The following GABRA3 variants were observed in gnomAD, a reference collection of about 807,000 sequenced individuals.
The protein encoded by GABRA3 is gamma-aminobutyric acid receptor subunit alpha-3.
A neutral mutation model predicts 30.1 loss-of-function variants in GABRA3; 10 were observed. The observed-to-expected ratio is 0.33, with a 90% CI of 0.20 to 0.56. The LOEUF (loss-of-function observed/expected upper bound fraction) is 0.56, where lower values mean the gene tolerates loss of function less well. GABRA3 is among the 20% of genes least tolerant of loss of function. The pLI is 0.89. For missense variants in GABRA3, 233 were observed against 392.0 expected (o/e 0.59, Z 3.42); for synonymous variants, 151 against 146.8 (o/e 1.03, Z -0.21).
At chrX:152,264,185 T>C (rs910489228) in intron 4 of GABRA3, among the ~76,000 whole-genome samples, 1 of 111,474 alleles carries the variant, frequency 9.0e-6, no homozygotes, top group Non-Finnish European at 1.9e-5. Context: ...AAACACAGAA[T>C]ACTATAACAT....
rs150858330 is a variant in GABRA3, at chrX:152,295,670, C to T, written c.263-10935G>A. 3.2e-3 allele frequency among the ~76,000 whole-genome samples: 357 copies of T among 112,493 alleles called. 6 individuals carry two copies. The East Asian group carries it at 0.058, about 18-fold the overall frequency. ...GCACATCCTCGGTGAGGCAATGCTCCGCCCTGTTTCGGGTCACCCTCCATG... is the reference window on the plus strand; with the variant it reads ...GCACATCCTCGGTGAGGCAATGCTCTGCCCTGTTTCGGGTCACCCTCCATG... On this transcript the variant is annotated intron_variant, in intron 3 of 9. Transcript: ENST00000370314.
intron 9 of GABRA3, among the ~76,000 whole-genome samples, chrX:152,183,469 T>A (rs1453487149): frequency 1.0e-5 from 1 of 99,522 alleles, no homozygotes; most frequent in Non-Finnish European, 2.0e-5. Flanking sequence ...TCTAAAGGTT[T>A]GTCTATTTTG....
At chrX:152,293,097 G>A (rs188834925) in intron 3 of GABRA3, among the ~76,000 whole-genome samples, 38 of 111,126 alleles carry the variant, frequency 3.4e-4, no homozygotes, top group African/African-American at 1.2e-3. Context: ...TTCAAGTCCT[G>A]GGTATCCTTT....
chrX:152,400,380 G>A (rs1330187320), intron 1 of GABRA3, among the ~76,000 whole-genome samples: 1 of 110,361 alleles, frequency 9.1e-6, no homozygotes, highest in African/African-American at 3.3e-5. Context: ...ATCGTGACAC[G>A]TGCCTGTAGT....
intron 5 of GABRA3, among the ~76,000 whole-genome samples, chrX:152,254,958 T>A (rs1938613415): frequency 8.9e-6 from 1 of 112,002 alleles, no homozygotes; most frequent in African/African-American, 3.2e-5. Flanking sequence ...AGAATCTTAT[T>A]GCACTGAAAA....
At chrX:152,168,758 C>T (rs968026962) in intron 9 of GABRA3, among the ~76,000 whole-genome samples, 195 bp from the exon 10 acceptor site, 1 of 112,009 alleles carries the variant, frequency 8.9e-6, no homozygotes, top group Non-Finnish European at 1.9e-5. Context: ...AAAGAGAAAA[C>T]GTGCATCATC....
intron 9 of GABRA3, among the ~76,000 whole-genome samples, chrX:152,170,664 C>A (rs1008243913): frequency 9.0e-6 from 1 of 111,668 alleles, no homozygotes; most frequent in Admixed American, 9.5e-5. Context: ...AGCTGGGCCA[C>A]AGCGTGCATG....
intron 1 of GABRA3, among the ~76,000 whole-genome samples, chrX:152,416,388 G>T (rs1412809682): frequency 2.0e-5 from 2 of 101,426 alleles, no homozygotes; most frequent in Non-Finnish European, 4.0e-5. Flanking sequence ...CAAACAAATG[G>T]AAGAACATTC....
chrX:152,226,599 T>C (rs893993613), intron 5 of GABRA3, among the ~76,000 whole-genome samples: 15 of 111,072 alleles, frequency 1.4e-4, no homozygotes, highest in Non-Finnish European at 2.3e-4. Context: ...ACAGGCAACC[T>C]ACAAAAGGGG....
chrX:152,348,687 T>C (rs754410900), intron 2 of GABRA3, among the ~76,000 whole-genome samples: 28 of 112,027 alleles, frequency 2.5e-4, no homozygotes, highest in Admixed American at 2.5e-3. Context: ...ATTAAGTGAG[T>C]CACAAATATT....
intron 2 of GABRA3, among the ~76,000 whole-genome samples, chrX:152,348,146 G>A (rs998925840): frequency 1.8e-5 from 2 of 111,185 alleles, no homozygotes; most frequent in Non-Finnish European, 3.8e-5. Flanking sequence ...TTTAATCTGC[G>A]ACCTAAGTAG....
Position 152,364,564 on chromosome X carries a change from T to A in GABRA3, c.7A>T (p.Ile3Phe). 8.3e-7 allele frequency: 1 copy of A among 1,206,212 alleles called. No homozygotes were observed. Among genetic ancestry groups the A allele is most frequent in the Non-Finnish European group, 1.1e-6 (1 of 892,411 alleles). Residue 3 changes from isoleucine to phenylalanine, a missense_variant, in exon 2 of 10, where the codon ATC becomes TTC. By Grantham distance (21) the Ile-to-Phe change is conservative (BLOSUM62 0). Transcript: ENST00000370314. ...ATGTAACAGTGACTTGTTTGTGTGA[T>A]TATCATCTTCTTAGGCACAAACTTG... Reference protein sequence around the residue: MIITQTSHCYMTS... With the variant: MIFTQTSHCYMTS...
chrX:152,336,182 C>T (rs748934472), intron 3 of GABRA3, among the ~76,000 whole-genome samples: 3 of 108,246 alleles, frequency 2.8e-5, no homozygotes, highest in Non-Finnish European at 3.8e-5. Context: ...TTCAATATCT[C>T]CCCCCCTTCA....
intron 1 of GABRA3, among the ~76,000 whole-genome samples, chrX:152,376,637 C>G (rs1929005966): frequency 9.0e-6 from 1 of 111,492 alleles, no homozygotes; most frequent in African/African-American, 3.3e-5. Flanking sequence ...CAATATGTTT[C>G]TTTCTAGCTG....
At chrX:152,196,734 C>G (rs186638489) in intron 8 of GABRA3, among the ~76,000 whole-genome samples, 2 of 112,158 alleles carry the variant, frequency 1.8e-5, no homozygotes, top group Non-Finnish European at 3.8e-5. Flanking sequence ...TCTTGAAATA[C>G]TCTCCTCACA....
chrX:152,386,261 T>C (rs1411540859), intron 1 of GABRA3, among the ~76,000 whole-genome samples: 2 of 109,662 alleles, frequency 1.8e-5, no homozygotes, highest in East Asian at 5.7e-4. Context: ...TATCCTCTTT[T>C]ATTTCGTTGA....
chrX:152,221,643 G>A (rs1429647208), intron 6 of GABRA3, among the ~76,000 whole-genome samples: 1 of 111,397 alleles, frequency 9.0e-6, no homozygotes. Context: ...AAAGTGTCTG[G>A]CCTTTACTTA....
chrX:152,439,870 G>C (rs1930877221), intron 1 of GABRA3, among the ~76,000 whole-genome samples: 1 of 111,825 alleles, frequency 8.9e-6, no homozygotes, highest in Non-Finnish European at 1.9e-5. Flanking sequence ...TAGCATAAAA[G>C]AAACAACACT....
At chrX:152,407,011 C>G (rs190537518) in intron 1 of GABRA3, among the ~76,000 whole-genome samples, 1 of 111,538 alleles carries the variant, frequency 9.0e-6, no homozygotes, top group Non-Finnish European at 1.9e-5. Context: ...GGCCAATAAA[C>G]AAGTAAAAAG....
Sources: gnomAD v4.1 joint callset for allele counts (sites outside exome capture counted in the v4.1 genomes callset) on GRCh38, gnomAD v4.1.1 for gene constraint, MANE v1.5 for transcripts, NCBI Gene and HGNC (gene_info 2026-07-23, HGNC 2026-07-21) for gene names.